Variants in DEPDC1B observed in about 807,000 individuals in gnomAD.
DEPDC1B encodes DEP domain containing 1B.
Under a neutral mutation model 66.5 loss-of-function variants are expected in DEPDC1B, and 51 were observed. That is an observed-to-expected ratio of 0.77 (90% CI 0.61 to 0.97). The LOEUF (loss-of-function observed/expected upper bound fraction) is 0.97. DEPDC1B is among the 50% of genes least tolerant of loss of function. The pLI is 0.00. For missense variants in DEPDC1B, 552 were observed against 637.1 expected (o/e 0.87, Z 1.44); for synonymous variants, 226 against 223.6 (o/e 1.01, Z -0.10).
At chr5:60,689,916 C>T (rs1754504957) in intron 1 of DEPDC1B, among the ~76,000 whole-genome samples, 1 of 152,008 alleles carries the variant, frequency 6.6e-6, no homozygotes, top group South Asian at 2.1e-4. Context: ...GTGGTGTGTG[C>T]CTGTAGCTGC....
intron 7 of DEPDC1B, among the ~76,000 whole-genome samples, chr5:60,625,019 G>A (rs1437267665): frequency 6.6e-6 from 1 of 151,728 alleles, no homozygotes; most frequent in Non-Finnish European, 1.5e-5. Flanking sequence ...TCTTGTGATA[G>A]TTTGCTGAGA....
At chr5:60,619,327 T>C (rs1191306871) in intron 7 of DEPDC1B, among the ~76,000 whole-genome samples, 1 of 152,182 alleles carries the variant, frequency 6.6e-6, no homozygotes, top group African/African-American at 2.4e-5. Context: ...GGTATTCGAT[T>C]AGGAAAAGAG....
At chr5:60,675,306 A>AT (rs147281172) in intron 2 of DEPDC1B, among the ~76,000 whole-genome samples, 14,076 of 152,088 alleles carry the variant, frequency 0.093, 1,212 homozygotes, top group African/African-American at 0.22. Context: ...GTCCCTATGT[A>AT]TATTTTCATC....
At chr5:60,641,024 A>G (rs1424494031) in intron 6 of DEPDC1B, among the ~76,000 whole-genome samples, 2 of 152,240 alleles carry the variant, frequency 1.3e-5, no homozygotes, top group Non-Finnish European at 2.9e-5. Flanking sequence ...CATAAAGCAT[A>G]GTACTTGATA....
intron 2 of DEPDC1B, among the ~76,000 whole-genome samples, chr5:60,656,036 A>G (rs549208963): frequency 3.8e-5 from 5 of 131,674 alleles, no homozygotes; most frequent in Non-Finnish European, 6.1e-5. Flanking sequence ...GTGGCCTATC[A>G]TATGGTCTAT....
At chr5:60,640,931 T>A (rs1020023832) in intron 6 of DEPDC1B, among the ~76,000 whole-genome samples, 4 of 152,212 alleles carry the variant, frequency 2.6e-5, no homozygotes, top group African/African-American at 9.7e-5. Context: ...TTTATAAAGC[T>A]ACTCAAAAGG....
chr5:60,615,966 G>A (rs574700010), intron 7 of DEPDC1B, among the ~76,000 whole-genome samples: 1 of 152,200 alleles, frequency 6.6e-6, no homozygotes, highest in Non-Finnish European at 1.5e-5. Flanking sequence ...CGATCAGGCA[G>A]CAACATTTGC....
At chr5:60,612,420 C>T (rs1449983001) in intron 7 of DEPDC1B, among the ~76,000 whole-genome samples, 1 of 138,694 alleles carries the variant, frequency 7.2e-6, no homozygotes, top group South Asian at 2.3e-4. Flanking sequence ...AAGACTCCAC[C>T]TAAAAAAAAA....
Position 60,638,760 on chromosome 5 carries a change from G to A in DEPDC1B, c.888C>T (p.Val296=). 1 of 1,609,990 alleles carries A rather than the reference G, an allele frequency of 6.2e-7. No individual in the cohort carries two copies. Among genetic ancestry groups the A allele is most frequent in the Non-Finnish European group, 8.5e-7 (1 of 1,178,452 alleles). The change falls in exon 7 of 11, where the codon GTC becomes GTT. Residue 296 remains valine (V), a synonymous_variant. Transcript: ENST00000265036. ...LLTFHLFDAF[V]SVLGLLQKEK... is the part of the protein sequence containing the mutation. ...TATATTCCAACTTACCCAGTACACT[G>A]ACAAAAGCATCAAAAAGATGAAATG...
intron 2 of DEPDC1B, among the ~76,000 whole-genome samples, chr5:60,672,243 G>C (rs997376542): frequency 2.0e-5 from 3 of 152,188 alleles, no homozygotes; most frequent in Non-Finnish European, 4.4e-5. Flanking sequence ...CATTCAATTT[G>C]AGCGCAAGTT....
chr5:60,675,131 T>C (rs1355116854), intron 2 of DEPDC1B, among the ~76,000 whole-genome samples: 2 of 152,152 alleles, frequency 1.3e-5, no homozygotes, highest in Non-Finnish European at 2.9e-5. Flanking sequence ...GAGCCCTCAC[T>C]GCCAGGGGTA....
chr5:60,699,977 T>C, intron 1 of DEPDC1B, 69 bp downstream of exon 1: 1 of 1,527,868 alleles, frequency 6.5e-7, no homozygotes, highest in Non-Finnish European at 8.8e-7. Context: ...TGACAAGCAC[T>C]CTGTCCGCGC....
intron 7 of DEPDC1B, among the ~76,000 whole-genome samples, chr5:60,621,451 A>G (rs189354221): frequency 4.7e-4 from 72 of 152,122 alleles, no homozygotes; most frequent in African/African-American, 1.7e-3. Context: ...GGGACAAAAA[A>G]CCAAACACCT....
At position 60,647,477 on chromosome 5, in the gene DEPDC1B, T is replaced by C; in HGVS notation, c.371A>G (p.Asp124Gly). 6.2e-7 allele frequency: 1 copy of C among 1,612,798 alleles called. No individual in the cohort carries two copies. ...ATTCCATTCTGGAAATTTAATAACATCCTTTTGGTTTGGGGGCTTCTTTGG... is the reference window on the plus strand; with the variant it reads ...ATTCCATTCTGGAAATTTAATAACACCCTTTTGGTTTGGGGGCTTCTTTGG... The part of the protein sequence containing the change: ...PYPKKPPNQK[D>G]VIKFPEWNDL... Residue 124 changes from aspartate (D) to glycine (G), a missense_variant, in exon 3 of 11, where the codon GAT (aspartate) becomes GGT (glycine). Transcript: ENST00000265036.
chr5:60,603,184 G>A (rs569670347), intron 9 of DEPDC1B, among the ~76,000 whole-genome samples: 1 of 152,268 alleles, frequency 6.6e-6, no homozygotes, highest in South Asian at 2.1e-4. Flanking sequence ...CACATGGATT[G>A]ATACACAAAA....
At position 60,681,497 on chromosome 5, in the gene DEPDC1B, G is replaced by GA. The variant is rs1174107997; in HGVS notation, c.314+5464dup. Among the ~76,000 whole-genome samples, 5 of 151,948 alleles carry GA rather than the reference G, an allele frequency of 3.3e-5. 1 individual carries two copies. Among genetic ancestry groups the GA allele is most frequent in the Admixed American group, 6.5e-5 (1 of 15,276 alleles). ...GCCAACACTATAGATAGATCTACAG[G>GA]AAAAAAGTCTTTACCTACAAAAGCC... On this transcript the variant is annotated intron_variant, in intron 2 of 10. Transcript: ENST00000265036.
At chr5:60,689,050 C>T (rs1228921384) in intron 1 of DEPDC1B, 2 of 455,986 alleles carry the variant, frequency 4.4e-6, no homozygotes, top group Non-Finnish European at 8.8e-6. Flanking sequence ...AGAATCAATC[C>T]CTGAGGAATG....
chr5:60,599,401 T>A, intron 9 of DEPDC1B, 141 bp from the exon 10 acceptor site: 1 of 502,962 alleles, frequency 2.0e-6, no homozygotes, highest in Non-Finnish European at 3.2e-6. Flanking sequence ...GGGGAAACTC[T>A]ATATTGAAAA....
intron 7 of DEPDC1B, among the ~76,000 whole-genome samples, chr5:60,607,595 AAGATATAGAAATACAAGGTC>A (rs1437999537): frequency 6.6e-6 from 1 of 152,156 alleles, no homozygotes; most frequent in Non-Finnish European, 1.5e-5. Flanking sequence ...AAAAAGCAAA[AAGATATAGAAATACAAGGTC>A]AGGCAGAAAG....
Sources: gnomAD v4.1 joint callset for allele counts (sites outside exome capture counted in the v4.1 genomes callset) on GRCh38, gnomAD v4.1.1 for gene constraint, MANE v1.5 for transcripts, NCBI Gene and HGNC (gene_info 2026-07-23, HGNC 2026-07-21) for gene names.